The following TPM3 variants were observed in gnomAD, a reference collection of about 807,000 sequenced individuals.
The protein encoded by TPM3 is tropomyosin 3.
Under a neutral mutation model 43.1 loss-of-function variants are expected in TPM3, and 16 were observed. That is an observed-to-expected ratio of 0.37 (90% CI 0.25 to 0.56). The LOEUF (loss-of-function observed/expected upper bound fraction) is 0.56. Among genes scored for constraint, TPM3 ranks in the 20% least tolerant of loss-of-function variants. The pLI, the probability that TPM3 is intolerant of heterozygous loss-of-function variation, is 0.77. For synonymous variants in TPM3, 101 were observed against 116.9 expected, an observed-to-expected ratio of 0.86 and a Z score of 0.88; for missense variants, 176 against 337.2, an observed-to-expected ratio of 0.52 and a Z score of 3.74.
intron 3 of TPM3, among the ~76,000 whole-genome samples, chr1:154,174,368 G>GTATA (rs34224787): frequency 0.043 from 1,961 of 46,114 alleles, 92 homozygotes; most frequent in Non-Finnish European, 0.066. Context: ...AAATATATGT[G>GTATA]TATATATATA....
chr1:154,172,804 T>C, intron 5 of TPM3, 104 bp downstream of exon 5: 1 of 1,427,762 alleles, frequency 7.0e-7, no homozygotes, highest in Non-Finnish European at 9.9e-7. Context: ...CCCTAGGCCC[T>C]GTTTAACAAG....
rs1252398727 is a variant in TPM3 at position 154,167,381 on chromosome 1, T to C, written c.*556A>G. On this transcript the variant is annotated 3_prime_UTR_variant, in exon 10 of 10. Coordinates refer to ENST00000651641, the MANE Select transcript of TPM3 (RefSeq NM_152263.4). The stretch of plus-strand genomic sequence containing the variant: ...CCGGTAAAAGGGTACAGAATGTGTA[T>C]TGAGAGTCACTTCAATGGCTTCTCA... 10 of 1,062,676 alleles carry C rather than the reference T, an allele frequency of 9.4e-6. No homozygotes were observed. Among genetic ancestry groups the C allele is most frequent in the Admixed American group, 5.1e-5 (1 of 19,510 alleles). The allele number at this position is 1,062,676 out of a possible 1,614,324, so 65.8% of individuals were successfully genotyped here.
At chr1:154,191,703 T>C in intron 1 of TPM3, 199 bp downstream of exon 1, 1 of 1,511,112 alleles carries the variant, frequency 6.6e-7, no homozygotes, top group Non-Finnish European at 8.8e-7. Context: ...ATACTGTGGC[T>C]CACTGACTTT....
downstream of TPM3, among the ~76,000 whole-genome samples, chr1:154,160,560 G>A (rs1030372895): frequency 1.3e-5 from 2 of 152,174 alleles, no homozygotes; most frequent in East Asian, 3.8e-4. Flanking sequence ...TAAACCAATG[G>A]TTCTCAATAG....
chr1:154,159,686 A>G (rs1278978751), downstream of TPM3, among the ~76,000 whole-genome samples: 1 of 152,202 alleles, frequency 6.6e-6, no homozygotes, highest in Non-Finnish European at 1.5e-5. Flanking sequence ...AATTACTGGT[A>G]TAAGCTACTC....
At chr1:154,170,543 T>C in intron 7 of TPM3, 74 bp from the exon 8 acceptor site, 1 of 1,602,414 alleles carries the variant, frequency 6.2e-7, no homozygotes, top group Admixed American at 1.7e-5. Context: ...TTCCACCTTC[T>C]ACTTCTGGAC....
chr1:154,165,135 A>T lies in TPM3; in HGVS notation c.*2802T>A, dbSNP rs1457224189. 1.3e-5 allele frequency among the ~76,000 whole-genome samples: 2 copies of T among 152,172 alleles called. No individual in the cohort carries two copies. Among genetic ancestry groups the T allele is most frequent in the African/African-American group, 4.8e-5 (2 of 41,438 alleles). ...AGTGGCTCACGCCTGTAATCCCAAC[A>T]CTTTGGGAGGCAGAGGCGGGTGGAT... On this transcript the variant is annotated 3_prime_UTR_variant, in exon 10 of 10. Transcript: ENST00000651641.
rs374649265 is a variant in TPM3, at chr1:154,167,928, C to T, written c.*9G>A. The stretch of plus-strand genomic sequence containing the variant: ...GGGCAGATCCAGAACAGAGCAGAAA[C>T]GGTGATAATTATCTGTATGAAAAAG... On this transcript the variant is annotated 3_prime_UTR_variant, in exon 10 of 10. Coordinates refer to ENST00000651641, the MANE Select transcript of TPM3 (RefSeq NM_152263.4). The T allele has an allele frequency of 2.6e-5, 42 of 1,613,700 alleles. No individual in the cohort carries two copies. Among genetic ancestry groups the T allele is most frequent in the Admixed American group, 2.2e-4 (13 of 59,976 alleles).
rs1270821187 is a variant in TPM3, at chr1:154,167,952, A to C, written c.855-12T>G. On this transcript the variant is annotated splice_polypyrimidine_tract_variant and intron_variant, in intron 9 of 9. Transcript: ENST00000651641. Reference sequence around the variant, plus strand: ...ACGGTGATAATTATCTGTATGAAAAAGTAAGGATACTCTAGGTGAGAAGGA... The same window carrying C: ...ACGGTGATAATTATCTGTATGAAAACGTAAGGATACTCTAGGTGAGAAGGA... 3.7e-6 allele frequency: 6 copies of C among 1,614,074 alleles called. No homozygotes were observed. The highest frequency in any genetic ancestry group is 1.7e-6 in the Non-Finnish European group (2 of 1,179,982).
chr1:154,188,828 G>A (rs1663533272), intron 2 of TPM3, among the ~76,000 whole-genome samples: 1 of 151,246 alleles, frequency 6.6e-6, no homozygotes, highest in Non-Finnish European at 1.5e-5. Context: ...AAACAAAACA[G>A]ATCAGAAACC....
intron 2 of TPM3, among the ~76,000 whole-genome samples, chr1:154,179,065 C>G (rs1297816056): frequency 1.3e-5 from 2 of 152,246 alleles, no homozygotes; most frequent in Non-Finnish European, 2.9e-5. Flanking sequence ...ATCTGGCTTT[C>G]TGCCACACTG....
At chr1:154,183,773 G>A (rs1663237739) in intron 2 of TPM3, 1 of 159,990 alleles carries the variant, frequency 6.3e-6, no homozygotes, top group South Asian at 1.6e-4. Flanking sequence ...GAGTGGAAGG[G>A]ATGGGCAAGA....
intron 2 of TPM3, chr1:154,183,874 T>G (rs1663254649): frequency 6.8e-6 from 1 of 147,268 alleles, no homozygotes; most frequent in African/African-American, 2.5e-5. Flanking sequence ...TTTTTTTTTT[T>G]TTTTAAGAGA....
At chr1:154,176,721 T>C (rs928576500) in intron 2 of TPM3, among the ~76,000 whole-genome samples, 1 of 151,094 alleles carries the variant, frequency 6.6e-6, no homozygotes, top group Admixed American at 6.6e-5. Flanking sequence ...GGCTCATGCC[T>C]GTAATCCCAG....
At position 154,162,437 on chromosome 1, in the gene TPM3, G is replaced by C. The variant is rs973966350; in HGVS notation, c.*5500C>G. ...AGTATTCAACCAACACCATGTGAAA[G>C]GAAGAGATTTGGTTGGGGCTAAGAT... On this transcript the variant is annotated 3_prime_UTR_variant, in exon 10 of 10. Coordinates refer to ENST00000651641, the MANE Select transcript of TPM3 (RefSeq NM_152263.4). Among the ~76,000 whole-genome samples the C allele has an allele frequency of 8.0e-5, 12 of 150,536 alleles. No homozygotes were observed. Among genetic ancestry groups the C allele is most frequent in the Non-Finnish European group, 1.2e-4 (8 of 67,876 alleles).
chr1:154,182,397 G>C (rs1019832325), intron 2 of TPM3, among the ~76,000 whole-genome samples: 1 of 152,220 alleles, frequency 6.6e-6, no homozygotes, highest in Non-Finnish European at 1.5e-5. Context: ...GTGGCCTCGA[G>C]CTCCTCCAGG....
rs1239885145 is a variant in TPM3 at position 154,176,097 on chromosome 1, TCAGG to T, written c.377+14_377+17del. The stretch of plus-strand genomic sequence containing the variant: ...ATGAACTTTTAAAATCCACACTCCA[TCAGG>T]CTTCCCTACACACCTCTCACTCTCA... On this transcript the variant is annotated intron_variant, in intron 3 of 9. Transcript: ENST00000651641. The T allele has an allele frequency of 6.2e-7, 1 of 1,612,666 alleles. No individual in the cohort carries two copies. The highest frequency in any genetic ancestry group is 1.1e-5 in the South Asian group (1 of 91,004).
rs188112009 is a variant in TPM3 at position 154,174,427 on chromosome 1, C to T, written c.378-1226G>A. Among the ~76,000 whole-genome samples the T allele has an allele frequency of 5.5e-4, 62 of 113,530 alleles. 1 individual carries two copies. In the East Asian group the frequency reaches 0.012, roughly 22 times the overall value. The allele number at this position is 113,530 out of a possible 152,430, so 74.5% of individuals were successfully genotyped here. A position where few individuals can be genotyped will look rare whatever the true frequency, so the allele number is the denominator to read the frequency against. ...ATATATACACACAAAAATCCCATCC[C>T]AGCTTCCCCAAAGTAATAATATACT... is the stretch of plus-strand genomic sequence containing the variant. On this transcript the variant is annotated intron_variant, in intron 3 of 9. Transcript: ENST00000651641.
At chr1:154,172,189 A>G (rs900436416) in intron 5 of TPM3, 1 of 1,400,012 alleles carries the variant, frequency 7.1e-7, no homozygotes, top group African/African-American at 1.4e-5. Context: ...GAAAACAAGC[A>G]GCAAAACGAA....
Sources: allele counts gnomAD v4.1 joint callset (sites outside exome capture counted in the v4.1 genomes callset), GRCh38; gene constraint gnomAD v4.1.1; transcripts MANE v1.5; gene names NCBI Gene and HGNC (gene_info 2026-07-23, HGNC 2026-07-21).